Variants in LARGE1 observed in about 807,000 individuals in gnomAD.
LARGE1 encodes LARGE xylosyl- and glucuronyltransferase 1, also known as xylosyl- and glucuronyltransferase LARGE1.
A neutral mutation model predicts 87.6 loss-of-function variants in LARGE1; 43 were observed. The ratio of observed to expected loss-of-function variants is 0.49; its 90% confidence interval spans 0.38 to 0.63. The LOEUF (loss-of-function observed/expected upper bound fraction) is 0.63. Ranked by LOEUF, LARGE1 falls within the 30% of genes least tolerant of loss-of-function variation. LARGE1 has a pLI of 0.00. For synonymous variants in LARGE1, 434 were observed against 394.6 expected, an observed-to-expected ratio of 1.10 and a Z score of -1.18; for missense variants, 802 against 1,000.2, an observed-to-expected ratio of 0.80 and a Z score of 2.67.
intron 3 of LARGE1, among the ~76,000 whole-genome samples, chr22:33,645,004 T>C (rs945371866): frequency 6.6e-6 from 1 of 152,220 alleles, no homozygotes; most frequent in Admixed American, 6.5e-5. Flanking sequence ...ATATATTCAA[T>C]GCTATTCCCA....
At position 33,761,494 on chromosome 22, in the gene LARGE1, T is replaced by C. The variant is rs1363587341; in HGVS notation, c.-18A>G. On this transcript the variant is annotated 5_prime_UTR_variant, in exon 2 of 15. Coordinates refer to ENST00000397394, the MANE Select transcript of LARGE1 (RefSeq NM_133642.5). ...CCCAGCATCCTCTCAGAAGTGGCAA[T>C]CCCTAATCCCAGCGCCGTTTCTCTG... The C allele has an allele frequency of 1.3e-6, 2 of 1,591,948 alleles. No homozygotes were observed. Among genetic ancestry groups the C allele is most frequent in the African/African-American group, 2.7e-5 (2 of 74,432 alleles).
At chr22:33,383,392 T>C (rs2065220150) in intron 8 of LARGE1, among the ~76,000 whole-genome samples, 1 of 152,076 alleles carries the variant, frequency 6.6e-6, no homozygotes, top group Non-Finnish European at 1.5e-5. Context: ...AAACCCCATC[T>C]CTACTAAAAA....
chr22:33,603,117 A>C (rs2079156055), intron 5 of LARGE1, among the ~76,000 whole-genome samples: 2 of 152,180 alleles, frequency 1.3e-5, no homozygotes, highest in Admixed American at 1.3e-4. Flanking sequence ...TACCAAGACA[A>C]TCCCCAAATG....
At chr22:33,570,638 C>T (rs1602492272) in intron 5 of LARGE1, among the ~76,000 whole-genome samples, 1 of 86,254 alleles carries the variant, frequency 1.2e-5, no homozygotes, top group East Asian at 3.0e-4. Flanking sequence ...TGGAGCGAGA[C>T]TCCATTTCAA....
At chr22:33,175,759 C>T (rs1922831555) in intron 11 of LARGE1, among the ~76,000 whole-genome samples, 1 of 152,132 alleles carries the variant, frequency 6.6e-6, no homozygotes, top group Admixed American at 6.5e-5. Context: ...AATGCTATCC[C>T]CATCAAGTTA....
At chr22:33,803,266 A>G (rs2086217788) in intron 1 of LARGE1, among the ~76,000 whole-genome samples, 1 of 152,076 alleles carries the variant, frequency 6.6e-6, no homozygotes, top group African/African-American at 2.4e-5. Context: ...TCCTATCTCA[A>G]TTGAGCTTCA....
At chr22:33,218,914 A>G (rs543877376) in intron 11 of LARGE1, among the ~76,000 whole-genome samples, 32 of 152,314 alleles carry the variant, frequency 2.1e-4, no homozygotes, top group African/African-American at 7.7e-4. Flanking sequence ...GTTCTCAGCA[A>G]TAGAATCCAA....
intron 7 of LARGE1, among the ~76,000 whole-genome samples, chr22:33,423,522 A>C (rs2066769009): frequency 6.6e-6 from 1 of 151,524 alleles, no homozygotes; most frequent in Non-Finnish European, 1.5e-5. Flanking sequence ...ATTAAAAAAA[A>C]TACATAAATT....
At chr22:33,743,803 C>T (rs1228986219) in intron 2 of LARGE1, among the ~76,000 whole-genome samples, 1 of 152,216 alleles carries the variant, frequency 6.6e-6, no homozygotes, top group Non-Finnish European at 1.5e-5. Context: ...CATTATTCTA[C>T]AATCCAGTAA....
At chr22:33,077,006 A>G in the LARGE1 span, among the ~76,000 whole-genome samples, 1 of 152,172 alleles carries the variant, frequency 6.6e-6, no homozygotes, top group Non-Finnish European at 1.5e-5. Context: ...TGTGACCCTG[A>G]GCAAGTCATG....
At chr22:33,853,006 G>A (rs563289571) in intron 1 of LARGE1, among the ~76,000 whole-genome samples, 59 of 152,018 alleles carry the variant, frequency 3.9e-4, no homozygotes, top group African/African-American at 1.0e-3. Context: ...CAAGCCCTCC[G>A]CCATATGAAA....
At chr22:33,174,334 A>C (rs1388284196) in intron 11 of LARGE1, among the ~76,000 whole-genome samples, 1 of 152,156 alleles carries the variant, frequency 6.6e-6, no homozygotes, top group Non-Finnish European at 1.5e-5. Flanking sequence ...TGAGACATTT[A>C]AAGCAGTGTG....
At chr22:33,249,425 A>G (rs1020380190) in intron 11 of LARGE1, among the ~76,000 whole-genome samples, 3 of 152,084 alleles carry the variant, frequency 2.0e-5, no homozygotes, top group African/African-American at 7.2e-5. Flanking sequence ...TGTTCTTTTT[A>G]TACTTTGGTT....
At chr22:33,910,963 G>T (rs372047579) in intron 1 of LARGE1, among the ~76,000 whole-genome samples, 46 of 152,346 alleles carry the variant, frequency 3.0e-4, no homozygotes, top group African/African-American at 1.1e-3. Flanking sequence ...GCTGCGAGTT[G>T]AGTCCTGGCT....
chr22:33,521,035 G>A (rs1043538761), intron 6 of LARGE1, among the ~76,000 whole-genome samples: 1 of 152,220 alleles, frequency 6.6e-6, no homozygotes, highest in African/African-American at 2.4e-5. Flanking sequence ...TGCCAAAGAG[G>A]AGCCTGGATG....
At chr22:33,220,521 T>A (rs1925409970) in intron 11 of LARGE1, among the ~76,000 whole-genome samples, 4 of 152,108 alleles carry the variant, frequency 2.6e-5, no homozygotes, top group Admixed American at 2.6e-4. Context: ...AAAAAATAGA[T>A]TCTACCTCCC....
intron 1 of LARGE1, among the ~76,000 whole-genome samples, chr22:33,879,663 C>T (rs951898015): frequency 1.4e-4 from 22 of 152,226 alleles, no homozygotes; most frequent in Non-Finnish European, 2.6e-4. Flanking sequence ...TGTTCTCTCC[C>T]TTTTAGTAAA....
At chr22:33,673,494 C>A (rs191915380) in intron 2 of LARGE1, among the ~76,000 whole-genome samples, 17 of 152,282 alleles carry the variant, frequency 1.1e-4, no homozygotes, top group African/African-American at 4.1e-4. Context: ...GATCCCCTTG[C>A]ATCCATTCTT....
At chr22:33,716,861 T>G (rs894758347) in intron 2 of LARGE1, among the ~76,000 whole-genome samples, 1 of 152,194 alleles carries the variant, frequency 6.6e-6, no homozygotes. Context: ...CCTGCAAATA[T>G]GAGAAGGCGA....
Sources: gnomAD v4.1 joint callset for allele counts (sites outside exome capture counted in the v4.1 genomes callset) on GRCh38, gnomAD v4.1.1 for gene constraint, MANE v1.5 for transcripts, NCBI Gene and HGNC (gene_info 2026-07-23, HGNC 2026-07-21) for gene names.